NBPF26: variants seen among roughly 807,000 people sequenced by gnomAD.
NBPF26 encodes NBPF member 26.
Under a neutral mutation model 119.6 loss-of-function variants are expected in NBPF26, and 79 were observed. The observed-to-expected ratio is 0.66, with a 90% confidence interval of 0.55 to 0.80. The LOEUF (loss-of-function observed/expected upper bound fraction) is 0.80. NBPF26 is among the 30% of genes least tolerant of loss of function. The pLI is 0.00. For synonymous variants in NBPF26, 299 were observed against 457.7 expected, an observed-to-expected ratio of 0.65 and a Z score of 4.43; for missense variants, 800 against 1,198.2, an observed-to-expected ratio of 0.67 and a Z score of 4.91.
chr1:120,825,637 C>T (rs1221443846), intron 18 of NBPF26, among the ~76,000 whole-genome samples: 1 of 74,900 alleles, frequency 1.3e-5, no homozygotes, highest in East Asian at 3.1e-4. Context: ...ACAGAAGTGC[C>T]TTTTACATAT....
In NBPF26 at chr1:120,807,341, G is replaced by A. The variant is rs1355889100; in HGVS notation, c.962-266G>A. On this transcript the variant is annotated intron_variant, in intron 5 of 29. Coordinates refer to ENST00000620612, the Ensembl canonical transcript of NBPF26. ...CAGAGTCAGACCTCAGGGACTGTGA[G>A]TTCTGACTCCACTTCGTTGTGGTTG... Among the ~76,000 whole-genome samples the A allele has an allele frequency of 3.8e-3, 464 of 121,428 alleles. 11 individuals are homozygous for A. Among genetic ancestry groups the A allele is most frequent in the Admixed American group, 4.6e-3 (59 of 12,706 alleles). The allele number at this position is 121,428 out of a possible 152,430, so 79.7% of individuals were successfully genotyped here.
intron 2 of NBPF26, among the ~76,000 whole-genome samples, chr1:120,765,121 A>T (rs1457052492): frequency 8.5e-6 from 1 of 118,010 alleles, no homozygotes; most frequent in African/African-American, 4.5e-5. Flanking sequence ...TAAAGGTTTT[A>T]TGTAGCTTAT....
chr1:120,809,939 G>A, intron 8 of NBPF26, 56 bp downstream of exon 8: 2 of 1,534,702 alleles, frequency 1.3e-6, no homozygotes, highest in Admixed American at 1.7e-5. Flanking sequence ...AAATGTCTAG[G>A]AGGCACACCC....
rs1368106820 is a variant in NBPF26, at chr1:120,778,404, G to A, written c.156-6570G>A. ...ACTAGCCCAGAGGGAGTAAAGAGGA[G>A]CTTTAATGAGGAGCAGCTTCAGTGC... On this transcript the variant is annotated intron_variant, in intron 2 of 29. Coordinates refer to ENST00000620612, the Ensembl canonical transcript of NBPF26. Among the ~76,000 whole-genome samples the A allele has an allele frequency of 1.0e-4, 11 of 110,552 alleles. 3 individuals are homozygous for A. The South Asian group carries it at 2.3e-3, about 23-fold the overall frequency. 72.5% of individuals were successfully genotyped at this position (110,552 alleles called of 152,430 possible).
rs1553269816 is a variant in NBPF26, at chr1:120,805,785, C to T, written c.961+20C>T. ...AATACAGTAAGATCTATAGGCTCAC[C>T]ATCATGAAAGTGATGAATGATATCC... On this transcript the variant is annotated intron_variant, in intron 5 of 29. Transcript: ENST00000620612. The T allele has an allele frequency of 7.4e-7, 1 of 1,349,232 alleles. No individual in the cohort carries two copies. The highest frequency in any genetic ancestry group is 2.3e-5 in the African/African-American group (1 of 44,092). 83.6% of individuals were successfully genotyped at this position (1,349,232 alleles called of 1,614,324 possible).
chr1:120,805,136 A>G (rs1424862492), intron 4 of NBPF26, among the ~76,000 whole-genome samples: 6 of 125,612 alleles, frequency 4.8e-5, no homozygotes, highest in Non-Finnish European at 8.1e-5. Flanking sequence ...CAACAAGGGT[A>G]CACGAATACT....
intron 12 of NBPF26, among the ~76,000 whole-genome samples, chr1:120,815,446 C>T (rs1173316147): frequency 9.3e-6 from 1 of 107,810 alleles, no homozygotes; most frequent in Non-Finnish European, 1.7e-5. Flanking sequence ...GAGTTTCTCT[C>T]TCTCCGTGGC....
rs1553272244 is a variant in NBPF26, at chr1:120,823,319, G to C, written c.2598G>C (p.Trp866Cys). The C allele has an allele frequency of 5.0e-6, 7 of 1,408,628 alleles. 1 individual carries two copies. The highest frequency in any genetic ancestry group is 6.6e-6 in the Non-Finnish European group (7 of 1,057,658). The allele number at this position is 1,408,628 out of a possible 1,614,324, so 87.3% of individuals were successfully genotyped here. A position where few individuals can be genotyped will look rare whatever the true frequency, so the allele number is the denominator to read the frequency against. The stretch of plus-strand genomic sequence containing the variant: ...TGAATTTATTTGCAGGACATCGGTG[G>C]GATCAAGTGAAAAAGGAGGACCACG... The change falls in exon 17 of 30, where the codon TGG (tryptophan) becomes TGC (cysteine). Residue 866 changes from tryptophan to cysteine, a missense_variant. By Grantham distance (215) the Trp-to-Cys change is radical. This residue lies in a region of NBPF26 where 73 missense variants were observed against 50.7 expected (regional missense o/e 1.44). Transcript: ENST00000620612.
rs1327948409 is a variant in NBPF26, at chr1:120,765,090, G to A, written c.155+1381G>A. On this transcript the variant is annotated intron_variant, in intron 2 of 29. Transcript: ENST00000620612. The stretch of plus-strand genomic sequence containing the variant: ...GCTTAACAATAGGTTGTTTGGATTG[G>A]AATAAAGATAACATTGGAAATAAAG... Among the ~76,000 whole-genome samples the A allele has an allele frequency of 1.8e-5, 2 of 110,402 alleles. 1 individual carries two copies. The highest frequency in any genetic ancestry group is 3.5e-5 in the Non-Finnish European group (2 of 57,688). The allele number at this position is 110,402 out of a possible 152,430, so 72.4% of individuals were successfully genotyped here. A position where few individuals can be genotyped will look rare whatever the true frequency, so the allele number is the denominator to read the frequency against.
intron 3 of NBPF26, 53 bp from the exon 4 acceptor site, chr1:120,793,108 G>A (rs2101471704): frequency 1.3e-6 from 1 of 771,426 alleles, no homozygotes; most frequent in East Asian, 2.5e-5. Flanking sequence ...ATTGAGGATG[G>A]GGCCATCTCC....
chr1:120,752,556 T>TATA (rs1651033843), intron 1 of NBPF26, among the ~76,000 whole-genome samples: 3 of 8,156 alleles, frequency 3.7e-4, no homozygotes, highest in African/African-American at 2.8e-3. Context: ...ATATATATAT[T>TATA]TTTTTTTTTT....
intron 2 of NBPF26, among the ~76,000 whole-genome samples, chr1:120,777,878 G>A (rs1246018733): frequency 9.3e-6 from 1 of 107,094 alleles, no homozygotes; most frequent in East Asian, 2.4e-4. Flanking sequence ...TCAGCCAGGA[G>A]GTACTGAAAG....
In NBPF26 at chr1:120,779,560, T is replaced by A. The variant is rs1183693091; in HGVS notation, c.156-5414T>A. ...TAAACTCCCTACAGGAGGGAAACAT[T>A]CATATAGTTTTGCGGATGAAAGGCA... On this transcript the variant is annotated intron_variant, in intron 2 of 29. Transcript: ENST00000620612. Among the ~76,000 whole-genome samples, 5 of 120,676 alleles carry A rather than the reference T, an allele frequency of 4.1e-5. 2 individuals are homozygous for A. The highest frequency in any genetic ancestry group is 6.8e-5 in the Non-Finnish European group (4 of 58,776). 79.2% of individuals were successfully genotyped at this position (120,676 alleles called of 152,430 possible). A position where few individuals can be genotyped will look rare whatever the true frequency, so the allele number is the denominator to read the frequency against.
rs1651867901 is a variant in NBPF26 at position 120,811,580 on chromosome 1, G to A, written c.1565-306G>A. On this transcript the variant is annotated intron_variant, in intron 9 of 29. Coordinates refer to ENST00000620612, the Ensembl canonical transcript of NBPF26. The stretch of plus-strand genomic sequence containing the variant: ...ACCAAAAAAGAAAATTAAGCAAAAC[G>A]AAATCTTTTGTGCTACACAGAAACA... Among the ~76,000 whole-genome samples the A allele has an allele frequency of 4.4e-5, 5 of 112,834 alleles. 2 individuals are homozygous for A. Among genetic ancestry groups the A allele is most frequent in the East Asian group, 2.1e-4 (1 of 4,764 alleles). 74.0% of individuals were successfully genotyped at this position (112,834 alleles called of 152,430 possible).
rs1330020611 is a variant in NBPF26, at chr1:120,727,779, C to T, written c.73+3529C>T. Among the ~76,000 whole-genome samples, 5 of 117,648 alleles carry T rather than the reference C, an allele frequency of 4.2e-5. 1 individual carries two copies. The South Asian group carries it at 1.2e-3, about 29-fold the overall frequency. 77.2% of individuals were successfully genotyped at this position (117,648 alleles called of 152,430 possible). ...ATTTGAACTATTAATTTTCCTTCCACGCTTTCCTGATTTTCCTGTTTTTGT... is the reference window on the plus strand; with the variant it reads ...ATTTGAACTATTAATTTTCCTTCCATGCTTTCCTGATTTTCCTGTTTTTGT... On this transcript the variant is annotated intron_variant, in intron 1 of 29. Coordinates refer to ENST00000620612, the Ensembl canonical transcript of NBPF26.
rs1553272224 is a variant in NBPF26 at position 120,823,287 on chromosome 1, G to A, written c.2588-22G>A. Reference sequence around the variant, plus strand: ...AGGAAGAACTGCTTAATGTAAGAGGGCCCATCTGAATTTATTTGCAGGACA... The same window carrying A: ...AGGAAGAACTGCTTAATGTAAGAGGACCCATCTGAATTTATTTGCAGGACA... On this transcript the variant is annotated intron_variant, in intron 16 of 29. Coordinates refer to ENST00000620612, the Ensembl canonical transcript of NBPF26. The A allele has an allele frequency of 2.9e-5, 36 of 1,257,072 alleles. 6 individuals carry two copies. The highest frequency in any genetic ancestry group is 2.7e-4 in the African/African-American group (10 of 36,706). The allele number at this position is 1,257,072 out of a possible 1,614,324, so 77.9% of individuals were successfully genotyped here.
chr1:120,832,523 G>T (rs1652362283), intron 22 of NBPF26, among the ~76,000 whole-genome samples: 1 of 77,992 alleles, frequency 1.3e-5, no homozygotes, highest in Non-Finnish European at 2.1e-5. Flanking sequence ...TGAACAATCT[G>T]ACTATTTGAT....
At position 120,801,686 on chromosome 1, in the gene NBPF26, A is replaced by G. The variant is rs1651583715; in HGVS notation, c.752-3870A>G. 3.7e-5 allele frequency among the ~76,000 whole-genome samples: 4 copies of G among 109,398 alleles called. 2 individuals carry two copies. The highest frequency in any genetic ancestry group is 6.9e-5 in the Non-Finnish European group (4 of 58,220). The allele number at this position is 109,398 out of a possible 152,430, so 71.8% of individuals were successfully genotyped here. A position where few individuals can be genotyped will look rare whatever the true frequency, so the allele number is the denominator to read the frequency against. ...CTCCATGAAAAATAAAAAACTAGCCAGAAATGGTGATGTGTGCCTAGAGTT... is the reference window on the plus strand; with the variant it reads ...CTCCATGAAAAATAAAAAACTAGCCGGAAATGGTGATGTGTGCCTAGAGTT... On this transcript the variant is annotated intron_variant, in intron 4 of 29. Transcript: ENST00000620612.
At chr1:120,790,478 A>G (rs1651474743) in intron 3 of NBPF26, among the ~76,000 whole-genome samples, 2 of 116,472 alleles carry the variant, frequency 1.7e-5, no homozygotes, top group South Asian at 5.0e-4. Flanking sequence ...GTTAGTGCCT[A>G]TACATAATAT....
Sources: allele counts gnomAD v4.1 joint callset (sites outside exome capture counted in the v4.1 genomes callset), GRCh38; gene constraint gnomAD v4.1.1; regional missense constraint gnomAD v4.1.1; transcripts MANE v1.5; gene names NCBI Gene and HGNC (gene_info 2026-07-23, HGNC 2026-07-21).